GABRR1: variants seen among roughly 807,000 people sequenced by gnomAD.
GABRR1 encodes the protein gamma-aminobutyric acid type A receptor subunit rho1.
In GABRR1, 59 loss-of-function variants were observed where a neutral mutation model predicts 55.5. The observed-to-expected ratio is 1.06, with a 90% confidence interval of 0.86 to 1.32. The LOEUF is 1.32. GABRR1 is among the 40% of genes most tolerant of loss of function. GABRR1 has a pLI of 0.00. For missense variants in GABRR1, 602 were observed against 619.1 expected, an observed-to-expected ratio of 0.97 and a Z score of 0.29; for synonymous variants, 213 against 226.0, an observed-to-expected ratio of 0.94 and a Z score of 0.51.
chr6:89,195,898 C>T (rs905024318), intron 5 of GABRR1, among the ~76,000 whole-genome samples: 6 of 152,262 alleles, frequency 3.9e-5, no homozygotes, highest in Middle Eastern at 3.4e-3. Flanking sequence ...AATCAGCAAA[C>T]ACTACAAATC....
chr6:89,223,423 C>T (rs1773143512), intron 1 of GABRR1, among the ~76,000 whole-genome samples: 1 of 152,130 alleles, frequency 6.6e-6, no homozygotes, highest in African/African-American at 2.4e-5. Flanking sequence ...TATATATATG[C>T]CACGGTTTCT....
chr6:89,193,353 A>G (rs554270076), intron 5 of GABRR1, among the ~76,000 whole-genome samples: 2 of 152,320 alleles, frequency 1.3e-5, no homozygotes, highest in East Asian at 3.9e-4. Context: ...TTTCCTTAAA[A>G]TAAATTCAAA....
At chr6:89,183,772 A>T (rs1031400205) in intron 7 of GABRR1, among the ~76,000 whole-genome samples, 1 of 152,202 alleles carries the variant, frequency 6.6e-6, no homozygotes, top group Non-Finnish European at 1.5e-5. Flanking sequence ...ATTGAAAAGC[A>T]GATACCACAT....
chr6:89,224,776 T>C (rs1402885306), intron 1 of GABRR1, among the ~76,000 whole-genome samples: 2 of 140,900 alleles, frequency 1.4e-5, no homozygotes, highest in African/African-American at 5.5e-5. Context: ...TCTGATGTTT[T>C]CTTCTAGAAT....
At position 89,189,175 on chromosome 6, in the gene GABRR1, T is replaced by C. The variant is rs572682646; in HGVS notation, c.655+990A>G. On this transcript the variant is annotated intron_variant, in intron 6 of 9. Coordinates refer to ENST00000454853, the MANE Select transcript of GABRR1 (RefSeq NM_002042.5). ...AGAACAAAGTTTAAAACCATTGCCA[T>C]AGGGCATTAAAAAGATCAGTTATGT... Among the ~76,000 whole-genome samples, 128 of 152,192 alleles carry C rather than the reference T, an allele frequency of 8.4e-4. 1 individual carries two copies. The highest frequency in any genetic ancestry group is 1.4e-3 in the Non-Finnish European group (98 of 68,020).
At chr6:89,183,772 A>C (rs1031400205) in intron 7 of GABRR1, among the ~76,000 whole-genome samples, 1 of 152,202 alleles carries the variant, frequency 6.6e-6, no homozygotes, top group African/African-American at 2.4e-5. Context: ...ATTGAAAAGC[A>C]GATACCACAT....
intron 5 of GABRR1, among the ~76,000 whole-genome samples, chr6:89,193,901 G>A (rs1290485936): frequency 6.6e-6 from 1 of 152,002 alleles, no homozygotes; most frequent in Non-Finnish European, 1.5e-5. Context: ...ACACATCCCC[G>A]ATGCTCCTCT....
At chr6:89,190,480 C>T (rs1270406254) in intron 5 of GABRR1, among the ~76,000 whole-genome samples, 1 of 152,174 alleles carries the variant, frequency 6.6e-6, no homozygotes, top group Non-Finnish European at 1.5e-5. Flanking sequence ...AATGTCTCTA[C>T]TAACTCTTAT....
chr6:89,198,789 C>T (rs982532777), intron 4 of GABRR1, among the ~76,000 whole-genome samples: 2 of 152,138 alleles, frequency 1.3e-5, no homozygotes, highest in African/African-American at 4.8e-5. Context: ...TCCTCTCTCC[C>T]TTCCCCACTC....
chr6:89,207,921 C>T (rs993743057), intron 1 of GABRR1, among the ~76,000 whole-genome samples: 7 of 152,208 alleles, frequency 4.6e-5, no homozygotes, highest in East Asian at 1.9e-4. Context: ...GCCTTGAACC[C>T]GTTTTGCTTA....
In GABRR1 at chr6:89,177,676, T is replaced by C. The variant is rs946822005; in HGVS notation, c.*1094A>G. ...CCCCATGCCCTGACATCAGTTGCCATTGGGCCATCCGTCTGCCTGGTATCT... is the reference window on the plus strand; with the variant it reads ...CCCCATGCCCTGACATCAGTTGCCACTGGGCCATCCGTCTGCCTGGTATCT... On this transcript the variant is annotated 3_prime_UTR_variant, in exon 10 of 10. Coordinates refer to ENST00000454853, the MANE Select transcript of GABRR1 (RefSeq NM_002042.5). 1.3e-5 allele frequency: 2 copies of C among 152,194 alleles called. No homozygotes were observed. The highest frequency in any genetic ancestry group is 4.8e-5 in the African/African-American group (2 of 41,442). 9.4% of individuals were successfully genotyped at this position (152,194 alleles called of 1,614,324 possible). A position where few individuals can be genotyped will look rare whatever the true frequency, so the allele number is the denominator to read the frequency against.
chr6:89,210,049 T>G (rs1178686295), intron 1 of GABRR1, among the ~76,000 whole-genome samples: 1 of 152,108 alleles, frequency 6.6e-6, no homozygotes. Context: ...AGTGGAAACA[T>G]GGGGTCTGTG....
Position 89,201,210 on chromosome 6 carries a change from G to A in GABRR1, c.229C>T (p.Gln77Ter). The A allele has an allele frequency of 6.2e-7, 1 of 1,614,142 alleles. No homozygotes were observed. Among genetic ancestry groups the A allele is most frequent in the Non-Finnish European group, 8.5e-7 (1 of 1,179,996 alleles). Residue 77 changes from glutamine to a stop codon, truncating the protein, a stop_gained, in exon 3 of 10, where the codon CAG becomes TAG. Transcript: ENST00000454853. LOFTEE classifies it high-confidence loss of function. The stretch of plus-strand genomic sequence containing the variant: ...TCATGGTCATCTATCCTCAGAAGCT[G>A]TTCTGACTTTGTCAGAGGCGATTTG... ...ITKSPLTKSEQLLRIDDHDFS... is the reference protein window; with the variant it reads ...ITKSPLTKSE
intron 1 of GABRR1, among the ~76,000 whole-genome samples, chr6:89,215,645 T>C (rs1157472729): frequency 6.6e-6 from 1 of 152,152 alleles, no homozygotes; most frequent in East Asian, 1.9e-4. Flanking sequence ...GTGTATTATA[T>C]ATTGCAAAAG....
At chr6:89,194,962 A>G (rs953502747) in intron 5 of GABRR1, among the ~76,000 whole-genome samples, 1 of 152,166 alleles carries the variant, frequency 6.6e-6, no homozygotes, top group Non-Finnish European at 1.5e-5. Context: ...AAGGGGTGGA[A>G]AGCTTAGTCA....
intron 7 of GABRR1, among the ~76,000 whole-genome samples, chr6:89,183,160 C>CAAAAA (rs56208298): frequency 0.19 from 26,475 of 137,720 alleles, 3,176 homozygotes; most frequent in Middle Eastern, 0.27. Context: ...AAAAAAAAGA[C>CAAAAA]AAAAAAAAAA....
upstream of GABRR1, chr6:89,221,324 G>T (rs6905627): frequency 0.33 from 49,632 of 152,014 alleles, 8,638 homozygotes; most frequent in African/African-American, 0.4. Flanking sequence ...TCCCAAACAG[G>T]GGCTGCAGGT....
intron 2 of GABRR1, among the ~76,000 whole-genome samples, chr6:89,201,807 A>C (rs1453796269): frequency 6.6e-6 from 1 of 151,418 alleles, no homozygotes; most frequent in Non-Finnish European, 1.5e-5. Flanking sequence ...ACCGATGCCC[A>C]GGCCCCACCT....
At chr6:89,184,876 CT>C (rs1367901474) in intron 7 of GABRR1, among the ~76,000 whole-genome samples, 1 of 126,436 alleles carries the variant, frequency 7.9e-6, no homozygotes, top group Non-Finnish European at 1.7e-5. Flanking sequence ...CCTTTAGTTT[CT>C]TTTCTTTCTT....
Sources: gnomAD v4.1 joint callset for allele counts (sites outside exome capture counted in the v4.1 genomes callset) on GRCh38, gnomAD v4.1.1 for gene constraint, MANE v1.5 for transcripts, NCBI Gene and HGNC (gene_info 2026-07-23, HGNC 2026-07-21) for gene names.